The following NXN variants were observed in gnomAD, a reference collection of about 807,000 sequenced individuals.
The protein encoded by NXN is nucleoredoxin, also known as nucleoredoxin 1.
A neutral mutation model predicts 48.6 loss-of-function variants in NXN; 16 were observed. That is an observed-to-expected ratio of 0.33 (90% CI 0.22 to 0.50). NXN has a LOEUF of 0.50. NXN is among the 20% of genes least tolerant of loss of function. The pLI is 0.98. For synonymous variants in NXN, 281 were observed against 269.6 expected, an observed-to-expected ratio of 1.04 and a Z score of -0.41; for missense variants, 492 against 605.5, an observed-to-expected ratio of 0.81 and a Z score of 1.97.
intron 1 of NXN, among the ~76,000 whole-genome samples, chr17:928,875 G>A (rs966723289): frequency 3.3e-5 from 5 of 152,068 alleles, no homozygotes; most frequent in Admixed American, 6.6e-5. Context: ...GGAGAATACC[G>A]CTCACATGTG....
intron 1 of NXN, among the ~76,000 whole-genome samples, chr17:901,364 A>C (rs2068536281): frequency 6.6e-6 from 1 of 152,202 alleles, no homozygotes; most frequent in Non-Finnish European, 1.5e-5. Context: ...CACTTAATCA[A>C]CGCTAGCTCC....
At chr17:925,855 G>A (rs1405123358) in intron 1 of NXN, among the ~76,000 whole-genome samples, 1 of 152,168 alleles carries the variant, frequency 6.6e-6, no homozygotes, top group South Asian at 2.1e-4. Context: ...TGGTGGGCTT[G>A]CTCCCAGCAC....
chr17:896,877 C>T, intron 1 of NXN: 5 of 1,175,898 alleles, frequency 4.3e-6, no homozygotes, highest in Non-Finnish European at 5.5e-6. Flanking sequence ...GGCCCCTCAA[C>T]AAACTCACGC....
At position 979,754 on chromosome 17, in the gene NXN, C is replaced by G; in HGVS notation, c.-76G>C. 8.4e-7 allele frequency: 1 copy of G among 1,190,838 alleles called. No homozygotes were observed. Among genetic ancestry groups the G allele is most frequent in the Non-Finnish European group, 1.1e-6 (1 of 942,714 alleles). The allele number at this position is 1,190,838 out of a possible 1,614,324, so 73.8% of individuals were successfully genotyped here. Reference sequence around the variant, plus strand: ...GCGCGGCGGGAGGAGGCGGCGGCGTCGGCGGCAGGCGCTGGGGAGAGCAGA... The same window carrying G: ...GCGCGGCGGGAGGAGGCGGCGGCGTGGGCGGCAGGCGCTGGGGAGAGCAGA... On this transcript the variant is annotated 5_prime_UTR_variant, in exon 1 of 8. Coordinates refer to ENST00000336868, the MANE Select transcript of NXN (RefSeq NM_022463.5).
At position 849,188 on chromosome 17, in the gene NXN, C is replaced by A. The variant is rs79967767; in HGVS notation, c.361-23110G>T. ...TGCACGCTTGATCTAAGACCAATCA[C>A]GCTCTCTCCTGGAAGTTCAGAAAGT... is the stretch of plus-strand genomic sequence containing the variant. On this transcript the variant is annotated intron_variant, in intron 1 of 7. Transcript: ENST00000336868. The surrounding 1 kb of genome is among the most constrained non-coding windows in gnomAD (Gnocchi z 4.2). Among the ~76,000 whole-genome samples, 3 of 152,062 alleles carry A rather than the reference C, an allele frequency of 2.0e-5. No individual in the cohort carries two copies. The highest frequency in any genetic ancestry group is 7.2e-5 in the African/African-American group (3 of 41,416).
At chr17:979,252 G>A in intron 1 of NXN, 67 bp downstream of exon 1, 1 of 1,239,476 alleles carries the variant, frequency 8.1e-7, no homozygotes, top group Non-Finnish European at 1.0e-6. Flanking sequence ...GGTAACGGGC[G>A]TGGGGGGCGG....
At chr17:896,854 A>AGCCGGGGGGGGGGGGGG in intron 1 of NXN, 1 of 908,608 alleles carries the variant, frequency 1.1e-6, no homozygotes, top group Non-Finnish European at 1.5e-6. Flanking sequence ...CGCGGTCCTG[A>AGCCGGGGGGGGGGGGGG]CCACCCGCCC....
At chr17:966,472 C>T (rs972307256) in intron 1 of NXN, among the ~76,000 whole-genome samples, 9 of 152,128 alleles carry the variant, frequency 5.9e-5, no homozygotes, top group African/African-American at 1.9e-4. Flanking sequence ...CTCAGCCTCC[C>T]GAGTAGTTGG....
chr17:957,632 A>C (rs1597276120), intron 1 of NXN, among the ~76,000 whole-genome samples: 2 of 51,462 alleles, frequency 3.9e-5, no homozygotes, highest in African/African-American at 1.6e-4. Context: ...ACTCCATCTC[A>C]AAAAAAAAAA....
chr17:936,975 G>T (rs1000286685), intron 1 of NXN, among the ~76,000 whole-genome samples: 5 of 151,886 alleles, frequency 3.3e-5, no homozygotes, highest in Admixed American at 3.3e-4. Flanking sequence ...GGCTGAGGTG[G>T]GAGGATCAGC....
chr17:953,287 C>T (rs1339499634), intron 1 of NXN, among the ~76,000 whole-genome samples: 5 of 152,078 alleles, frequency 3.3e-5, no homozygotes, highest in Non-Finnish European at 5.9e-5. Flanking sequence ...TGGTGGCTCA[C>T]GCCTGTAATC....
At chr17:827,991 T>C (rs1178885115) in intron 1 of NXN, among the ~76,000 whole-genome samples, 2 of 152,220 alleles carry the variant, frequency 1.3e-5, no homozygotes, top group Non-Finnish European at 2.9e-5. Context: ...CACTTCAATC[T>C]GGGTGGGCCC....
At chr17:953,223 T>G (rs1470956098) in intron 1 of NXN, among the ~76,000 whole-genome samples, 1 of 152,156 alleles carries the variant, frequency 6.6e-6, no homozygotes, top group Non-Finnish European at 1.5e-5. Context: ...GAGACCAGCC[T>G]GGCCAACATG....
chr17:826,087 A>G lies in NXN; in HGVS notation c.361-9T>C. The G allele has an allele frequency of 6.3e-7, 1 of 1,585,538 alleles. No individual in the cohort carries two copies. The highest frequency in any genetic ancestry group is 1.1e-5 in the South Asian group (1 of 90,476). ...TTGTTCCAAAGTTTGAGCTGTATGA[A>G]GAAAAGCAAAAGAAGGTGGTTAAGT... On this transcript the variant is annotated splice_polypyrimidine_tract_variant and intron_variant, in intron 1 of 7. Transcript: ENST00000336868.
At chr17:869,526 T>C (rs934999780) in intron 1 of NXN, among the ~76,000 whole-genome samples, 1 of 152,254 alleles carries the variant, frequency 6.6e-6, no homozygotes, top group Non-Finnish European at 1.5e-5. Flanking sequence ...AAAGCTCCTG[T>C]GTCCCTGTTC....
At chr17:952,075 T>G (rs573930116) in intron 1 of NXN, among the ~76,000 whole-genome samples, 1 of 151,712 alleles carries the variant, frequency 6.6e-6, no homozygotes, top group Non-Finnish European at 1.5e-5. Flanking sequence ...TGGGGGGCGG[T>G]GGTGGTTGTG....
At position 841,690 on chromosome 17, in the gene NXN, C is replaced by T. The variant is rs71358515; in HGVS notation, c.361-15612G>A. ...GCGAGCAGGTCCACCCTGACCATGG[C>T]ACATCTCACGCCGGTGAGCAGGTCC... On this transcript the variant is annotated intron_variant, in intron 1 of 7. Transcript: ENST00000336868. Among the ~76,000 whole-genome samples, 34 of 115,724 alleles carry T rather than the reference C, an allele frequency of 2.9e-4. 1 individual carries two copies. Among genetic ancestry groups the T allele is most frequent in the African/African-American group, 1.2e-3 (32 of 26,990 alleles). 75.9% of individuals were successfully genotyped at this position (115,724 alleles called of 152,430 possible). A position where few individuals can be genotyped will look rare whatever the true frequency, so the allele number is the denominator to read the frequency against.
At chr17:964,691 T>C (rs1241533447) in intron 1 of NXN, among the ~76,000 whole-genome samples, 1 of 152,220 alleles carries the variant, frequency 6.6e-6, no homozygotes, top group Non-Finnish European at 1.5e-5. Flanking sequence ...TGTGTAACTT[T>C]AGGTGGTCAA....
intron 1 of NXN, among the ~76,000 whole-genome samples, chr17:947,071 GC>G (rs1209077576): frequency 6.6e-6 from 1 of 152,104 alleles, no homozygotes; most frequent in African/African-American, 2.4e-5. Context: ...CCCAGCACGG[GC>G]CCCCCACTCA....
Sources: gnomAD v4.1 joint callset for allele counts (sites outside exome capture counted in the v4.1 genomes callset) on GRCh38, gnomAD v4.1.1 for gene constraint, Gnocchi (gnomAD v3.1) non-coding constraint, MANE v1.5 for transcripts, NCBI Gene and HGNC (gene_info 2026-07-23, HGNC 2026-07-21) for gene names.